Variants in WWOX observed in about 807,000 individuals in gnomAD.
The protein encoded by WWOX is WW domain-containing oxidoreductase.
A neutral mutation model predicts 46.2 loss-of-function variants in WWOX; 69 were observed. The observed-to-expected ratio is 1.49, with a 90% CI of 1.23 to 1.82. The LOEUF is 1.82. Among genes scored for constraint, WWOX ranks in the 40% most tolerant of loss-of-function variants. WWOX has a pLI of 0.00. For missense variants in WWOX, 919 were observed against 542.6 expected (o/e 1.69, Z -6.89); for synonymous variants, 359 against 202.6 (o/e 1.77, Z -6.56).
intron 8 of WWOX, among the ~76,000 whole-genome samples, chr16:78,729,488 G>C (rs1260918270): frequency 2.6e-5 from 4 of 152,152 alleles, no homozygotes; most frequent in African/African-American, 9.7e-5. Context: ...AGGGAGATTT[G>C]AGAAAGACAG....
intron 5 of WWOX, among the ~76,000 whole-genome samples, chr16:78,317,132 A>G (rs1428525061): frequency 1.3e-5 from 2 of 152,180 alleles, no homozygotes; most frequent in Admixed American, 1.3e-4. Flanking sequence ...CACCCGTCCA[A>G]AGAATGGAGG....
intron 8 of WWOX, among the ~76,000 whole-genome samples, chr16:78,615,405 T>C (rs928273679): frequency 2.0e-5 from 3 of 152,050 alleles, no homozygotes; most frequent in Non-Finnish European, 2.9e-5. Context: ...TTTCAACACG[T>C]AGGGAGGCTG....
intron 8 of WWOX, among the ~76,000 whole-genome samples, chr16:78,797,698 C>G (rs1473859507): frequency 1.3e-5 from 2 of 152,140 alleles, no homozygotes; most frequent in African/African-American, 2.4e-5. Context: ...AGGCAAAAAT[C>G]CACTGGAGGC....
intron 5 of WWOX, among the ~76,000 whole-genome samples, chr16:78,325,422 A>C (rs1465483214): frequency 2.0e-5 from 3 of 152,142 alleles, no homozygotes; most frequent in African/African-American, 7.2e-5. Context: ...TAAATGGAAA[A>C]ATTGCCTTTT....
intron 8 of WWOX, among the ~76,000 whole-genome samples, chr16:78,575,421 C>T (rs556345421): frequency 6.6e-6 from 1 of 151,854 alleles, no homozygotes; most frequent in Non-Finnish European, 1.5e-5. Flanking sequence ...GTTAATCTTA[C>T]ACCTACCCAT....
At chr16:78,157,686 T>C (rs928284436) in intron 4 of WWOX, among the ~76,000 whole-genome samples, 1 of 152,228 alleles carries the variant, frequency 6.6e-6, no homozygotes, top group African/African-American at 2.4e-5. Flanking sequence ...AGCAATGAGG[T>C]TAAATTGTGC....
At chr16:78,377,364 A>G (rs1319616592) in intron 5 of WWOX, among the ~76,000 whole-genome samples, 1 of 152,202 alleles carries the variant, frequency 6.6e-6, no homozygotes, top group Non-Finnish European at 1.5e-5. Context: ...GTCATCTATT[A>G]TTTATTTCAG....
intron 5 of WWOX, among the ~76,000 whole-genome samples, chr16:78,304,997 C>G (rs181115489): frequency 1.3e-5 from 2 of 150,650 alleles, no homozygotes; most frequent in East Asian, 3.9e-4. Flanking sequence ...TTCCTTCTTT[C>G]CTTGCCATTT....
intron 8 of WWOX, among the ~76,000 whole-genome samples, chr16:78,915,582 T>G (rs1198730907): frequency 6.6e-6 from 1 of 152,208 alleles, no homozygotes; most frequent in Non-Finnish European, 1.5e-5. Context: ...AAAATTGCAC[T>G]GTGACATTGC....
chr16:78,501,786 C>G (rs11648573), intron 8 of WWOX, among the ~76,000 whole-genome samples: 83,567 of 151,980 alleles, frequency 0.55, 26,841 homozygotes, highest in Non-Finnish European at 0.71. Context: ...ATCCACCCAC[C>G]TCAGCCTCCC....
At chr16:79,102,837 C>G (rs1458124581) in intron 8 of WWOX, among the ~76,000 whole-genome samples, 1 of 152,184 alleles carries the variant, frequency 6.6e-6, no homozygotes, top group Non-Finnish European at 1.5e-5. Context: ...GCATTCTTTT[C>G]TGGTCTTTGA....
intron 8 of WWOX, among the ~76,000 whole-genome samples, chr16:78,664,598 G>A (rs1450280868): frequency 1.3e-5 from 2 of 152,152 alleles, no homozygotes; most frequent in Non-Finnish European, 2.9e-5. Context: ...AAAACTCTGT[G>A]TCCAGATGTT....
At chr16:78,664,612 T>C (rs1028556499) in intron 8 of WWOX, among the ~76,000 whole-genome samples, 1 of 152,202 alleles carries the variant, frequency 6.6e-6, no homozygotes, top group Non-Finnish European at 1.5e-5. Flanking sequence ...AGATGTTTTA[T>C]GATTTTCCCT....
At chr16:79,093,184 T>C (rs1332405707) in intron 8 of WWOX, among the ~76,000 whole-genome samples, 1 of 152,130 alleles carries the variant, frequency 6.6e-6, no homozygotes, top group Non-Finnish European at 1.5e-5. Context: ...AATTATGTGT[T>C]TACATCTATC....
chr16:79,138,472 C>G (rs966257898), intron 8 of WWOX, among the ~76,000 whole-genome samples: 4 of 152,192 alleles, frequency 2.6e-5, no homozygotes, highest in Non-Finnish European at 5.9e-5. Flanking sequence ...TCGTCTCTTT[C>G]CTGTTGGAAC....
chr16:78,147,668 T>G lies in WWOX; in HGVS notation c.410-16515T>G, dbSNP rs868557978. 1.4e-4 allele frequency among the ~76,000 whole-genome samples: 17 copies of G among 125,510 alleles called. No individual in the cohort carries two copies. In the Admixed American group the frequency reaches 1.5e-3, roughly 11 times the overall value. The allele number at this position is 125,510 out of a possible 152,430, so 82.3% of individuals were successfully genotyped here. On this transcript the variant is annotated intron_variant, in intron 4 of 8. Transcript: ENST00000566780. ...AGGTCAATCTGAATTTTTCTTTTTCTTTCTTCCTTTTTTTTTTTTTTTTTT... is the reference window on the plus strand; with the variant it reads ...AGGTCAATCTGAATTTTTCTTTTTCGTTCTTCCTTTTTTTTTTTTTTTTTT...
At chr16:78,862,466 A>G (rs1431542598) in intron 8 of WWOX, among the ~76,000 whole-genome samples, 5 of 151,968 alleles carry the variant, frequency 3.3e-5, no homozygotes, top group South Asian at 2.1e-4. Context: ...ATATAGATCT[A>G]TAAACACACA....
intron 8 of WWOX, among the ~76,000 whole-genome samples, chr16:79,066,483 CAGAAGGAAGGAAGGG>C (rs2048444050): frequency 6.6e-6 from 1 of 151,204 alleles, no homozygotes; most frequent in Non-Finnish European, 1.5e-5. Flanking sequence ...GAAAGAAGGA[CAGAAGGAAGGAAGGG>C]GGAAGGGAAG....
intron 8 of WWOX, among the ~76,000 whole-genome samples, chr16:78,762,346 C>T (rs2049815035): frequency 6.6e-6 from 1 of 152,180 alleles, no homozygotes; most frequent in Non-Finnish European, 1.5e-5. Context: ...TCAGGCCTGA[C>T]TGACCCCAGG....
Sources: allele counts gnomAD v4.1 joint callset (sites outside exome capture counted in the v4.1 genomes callset), GRCh38; gene constraint gnomAD v4.1.1; transcripts MANE v1.5; gene names NCBI Gene and HGNC (gene_info 2026-07-23, HGNC 2026-07-21).